DIP2B: variants seen among roughly 807,000 people sequenced by gnomAD.
The protein encoded by DIP2B is disco-interacting protein 2 homolog B.
DIP2B carries 76 observed loss-of-function variants against 198.0 expected under a neutral mutation model. The ratio of observed to expected loss-of-function variants is 0.38; its 90% CI spans 0.32 to 0.46. The LOEUF (loss-of-function observed/expected upper bound fraction) is 0.46, where lower values mean the gene tolerates loss of function less well. Ranked by LOEUF, DIP2B falls within the 20% of genes least tolerant of loss-of-function variation. DIP2B has a pLI of 0.99. For missense variants in DIP2B, 1,559 were observed against 1,978.4 expected, an observed-to-expected ratio of 0.79 and a Z score of 4.02; for synonymous variants, 701 against 739.1, an observed-to-expected ratio of 0.95 and a Z score of 0.84.
At chr12:50,719,125 CT>C in intron 25 of DIP2B, 90 bp downstream of exon 25, 1 of 1,377,254 alleles carries the variant, frequency 7.3e-7, no homozygotes, top group Non-Finnish European at 9.9e-7. Flanking sequence ...CAGAAAATTT[CT>C]GTTGCCATCT....
At chr12:50,540,798 A>G (rs957485486) in intron 1 of DIP2B, among the ~76,000 whole-genome samples, 4 of 151,344 alleles carry the variant, frequency 2.6e-5, no homozygotes, top group Admixed American at 2.0e-4. Context: ...CGGCCTCCCA[A>G]AGTGCTGGGA....
At chr12:50,634,845 G>A (rs1938128289) in intron 2 of DIP2B, among the ~76,000 whole-genome samples, 1 of 152,134 alleles carries the variant, frequency 6.6e-6, no homozygotes, top group African/African-American at 2.4e-5. Context: ...AAAAGAAAGA[G>A]CATTTAGAAT....
chr12:50,708,047 A>G (rs572673257), intron 21 of DIP2B, among the ~76,000 whole-genome samples: 1 of 151,948 alleles, frequency 6.6e-6, no homozygotes, highest in African/African-American at 2.4e-5. Context: ...CACCTCATTC[A>G]GGTCTCTGCT....
At chr12:50,516,940 G>A (rs1958071036) in intron 1 of DIP2B, among the ~76,000 whole-genome samples, 1 of 152,036 alleles carries the variant, frequency 6.6e-6, no homozygotes, top group East Asian at 1.9e-4. Context: ...GGATCACAGT[G>A]AGCCAAGATC....
chr12:50,562,870 T>C (rs1312960225), intron 1 of DIP2B, among the ~76,000 whole-genome samples: 2 of 152,200 alleles, frequency 1.3e-5, no homozygotes, highest in Non-Finnish European at 2.9e-5. Flanking sequence ...AATACAATAC[T>C]ATAAGGCAAA....
In DIP2B at chr12:50,522,565, C is replaced by T. The variant is rs535142928; in HGVS notation, c.100+17325C>T. ...GGAAACTAGAGTACCTGGAGAAAAC[C>T]TACACAGACATGGGGAGAACGTGCA... is the stretch of plus-strand genomic sequence containing the variant. On this transcript the variant is annotated intron_variant, in intron 1 of 37. Coordinates refer to ENST00000301180, the MANE Select transcript of DIP2B (RefSeq NM_173602.3). 2.0e-5 allele frequency among the ~76,000 whole-genome samples: 3 copies of T among 152,282 alleles called. No individual in the cohort carries two copies. In the South Asian group the frequency reaches 6.2e-4, roughly 32 times the overall value.
intron 1 of DIP2B, among the ~76,000 whole-genome samples, chr12:50,584,572 A>G (rs536759630): frequency 2.2e-4 from 33 of 152,034 alleles, no homozygotes; most frequent in Non-Finnish European, 4.1e-4. Flanking sequence ...TTTATTTTTT[A>G]TATTTCTTGG....
intron 1 of DIP2B, among the ~76,000 whole-genome samples, chr12:50,514,938 G>A (rs1035894130): frequency 3.3e-5 from 5 of 151,994 alleles, no homozygotes; most frequent in South Asian, 2.1e-4. Context: ...GATTACACGC[G>A]TGAGCCACCA....
At chr12:50,574,164 A>T (rs914279825) in intron 1 of DIP2B, among the ~76,000 whole-genome samples, 1 of 152,216 alleles carries the variant, frequency 6.6e-6, no homozygotes, top group Non-Finnish European at 1.5e-5. Context: ...CAGGAAACTA[A>T]TGTAACCTTT....
At chr12:50,589,899 TC>T (rs1342813429) in intron 1 of DIP2B, among the ~76,000 whole-genome samples, 1 of 152,210 alleles carries the variant, frequency 6.6e-6, no homozygotes, top group African/African-American at 2.4e-5. Context: ...TCTTCCAAGA[TC>T]CTCTTACTGC....
intron 12 of DIP2B, 146 bp downstream of exon 12, chr12:50,686,828 G>A (rs1239282780): frequency 6.0e-6 from 4 of 663,448 alleles, no homozygotes; most frequent in Non-Finnish European, 1.0e-5. Flanking sequence ...CTTGTAAAAT[G>A]CCTTGTAGTG....
Position 50,675,341 on chromosome 12 carries a change from G to A in DIP2B, c.809G>A (p.Ser270Asn). ...TTTTCCCTTATAGGTGTTCCTGTCA[G>A]TAGCAGAGTATCTACAAAAATCCAG... ...LMDTADGVPV[S>N]SRVSTKIQQL... is the part of the protein sequence containing the mutation. Residue 270 changes from serine to asparagine, a missense_variant, in exon 7 of 38, where the codon AGT becomes AAT. Ser to Asn is a conservative substitution (Grantham distance 46). Transcript: ENST00000301180. The A allele has an allele frequency of 2.5e-6, 4 of 1,612,388 alleles. No homozygotes were observed. Among genetic ancestry groups the A allele is most frequent in the Non-Finnish European group, 8.5e-7 (1 of 1,178,858 alleles).
In DIP2B at chr12:50,659,578, T is replaced by C. The variant is rs997078543; in HGVS notation, c.302-616T>C. On this transcript the variant is annotated intron_variant, in intron 3 of 37. Transcript: ENST00000301180. ...GAGTGGGGGTAGAAAATGAAGAGTT[T>C]TGTTTGGATGTGTTAATTTTGAGAT... Among the ~76,000 whole-genome samples, 4 of 152,064 alleles carry C rather than the reference T, an allele frequency of 2.6e-5. 1 individual carries two copies. Among genetic ancestry groups the C allele is most frequent in the Admixed American group, 2.6e-4 (4 of 15,268 alleles).
At chr12:50,604,553 G>A (rs1958965962) in intron 1 of DIP2B, among the ~76,000 whole-genome samples, 1 of 152,122 alleles carries the variant, frequency 6.6e-6, no homozygotes, top group Non-Finnish European at 1.5e-5. Flanking sequence ...GACCTCCCAG[G>A]CTCAAGCGGT....
chr12:50,639,902 A>T (rs1310962442), intron 2 of DIP2B, among the ~76,000 whole-genome samples: 1 of 152,176 alleles, frequency 6.6e-6, no homozygotes, highest in Non-Finnish European at 1.5e-5. Flanking sequence ...AAAAGCAGAG[A>T]GTAGAATGGT....
Position 50,664,830 on chromosome 12 carries a change from G to GTTTTTTTTTTTTTTTTTT in DIP2B, c.427+4516_427+4517insTTTTTTTTTTTTTTTTTT, listed in dbSNP as rs1205734576. The stretch of plus-strand genomic sequence containing the variant: ...CAAGGAGAATTTCCCTCCTTTTTTG[G>GTTTTTTTTTTTTTTTTTT]TTTTTGTTTTTTTTTTTTTTTTTTT... On this transcript the variant is annotated intron_variant, in intron 4 of 37. Transcript: ENST00000301180. Among the ~76,000 whole-genome samples, 6 of 99,644 alleles carry GTTTTTTTTTTTTTTTTTT rather than the reference G, an allele frequency of 6.0e-5. 3 individuals are homozygous for GTTTTTTTTTTTTTTTTTT. The highest frequency in any genetic ancestry group is 1.7e-4 in the African/African-American group (4 of 23,974). 65.4% of individuals were successfully genotyped at this position (99,644 alleles called of 152,430 possible).
intron 16 of DIP2B, 112 bp from the exon 17 acceptor site, chr12:50,696,949 C>T: frequency 1.3e-6 from 1 of 745,504 alleles, no homozygotes; most frequent in East Asian, 2.7e-5. Context: ...TAACAATATA[C>T]AATATGAGTT....
At chr12:50,560,305 A>G (rs1958507852) in intron 1 of DIP2B, among the ~76,000 whole-genome samples, 2 of 150,332 alleles carry the variant, frequency 1.3e-5, no homozygotes, top group African/African-American at 2.4e-5. Context: ...TGAGGCAGGA[A>G]AATGGCGTGA....
At chr12:50,710,994 G>T (rs892618358) in intron 22 of DIP2B, among the ~76,000 whole-genome samples, 4 of 152,182 alleles carry the variant, frequency 2.6e-5, no homozygotes, top group Non-Finnish European at 5.9e-5. Flanking sequence ...GCATGTAATG[G>T]TAGAAGCTTT....
Sources: gnomAD v4.1 joint callset for allele counts (sites outside exome capture counted in the v4.1 genomes callset) on GRCh38, gnomAD v4.1.1 for gene constraint, MANE v1.5 for transcripts, NCBI Gene and HGNC (gene_info 2026-07-23, HGNC 2026-07-21) for gene names.